CMSS1: variants seen among roughly 807,000 people sequenced by gnomAD.
CMSS1 encodes cms1 ribosomal small subunit homolog, also known as protein CMSS1.
Under a neutral mutation model 43.5 loss-of-function variants are expected in CMSS1, and 33 were observed. The observed-to-expected ratio is 0.76, with a 90% confidence interval of 0.57 to 1.01. CMSS1 has a LOEUF of 1.01. Among genes scored for constraint, CMSS1 ranks in the 50% least tolerant of loss-of-function variants. CMSS1 has a pLI of 0.00. For synonymous variants in CMSS1, 115 were observed against 117.2 expected (o/e 0.98, Z 0.12); for missense variants, 313 against 326.4 (o/e 0.96, Z 0.32).
intron 1 of CMSS1, among the ~76,000 whole-genome samples, chr3:99,983,980 GT>G (rs1228666671): frequency 4.0e-5 from 6 of 150,860 alleles, no homozygotes; most frequent in African/African-American, 1.5e-4. Flanking sequence ...ACAGATTTTT[GT>G]TGTTTTGTTT....
intron 1 of CMSS1, among the ~76,000 whole-genome samples, chr3:99,841,864 G>A (rs1943148020): frequency 6.6e-6 from 1 of 152,102 alleles, no homozygotes; most frequent in South Asian, 2.1e-4. Flanking sequence ...GGTGAAAGGG[G>A]AACACTTTTA....
chr3:100,014,895 CTT>C (rs1233573719), intron 1 of CMSS1, among the ~76,000 whole-genome samples: 95 of 25,014 alleles, frequency 3.8e-3, no homozygotes, highest in African/African-American at 0.016. Flanking sequence ...TTCTTTCTTT[CTT>C]TTTTTTTTTT....
At chr3:99,981,847 G>A (rs541013323) in intron 1 of CMSS1, among the ~76,000 whole-genome samples, 2 of 152,286 alleles carry the variant, frequency 1.3e-5, no homozygotes, top group South Asian at 4.1e-4. Flanking sequence ...ACATTGCAGA[G>A]TCAAGCCACG....
At position 100,178,323 on chromosome 3, in the gene CMSS1, G is replaced by A. The variant is rs749131724; in HGVS notation, c.775G>A (p.Glu259Lys). Residue 259 changes from glutamate to lysine, a missense_variant, in exon 10 of 10, where the codon GAA becomes AAA. Transcript: ENST00000421999. ...DIPEIRKEVF[E>K]LLEMGVLSLC... is the part of the protein sequence containing the mutation. ...CATTTAGATAAGAAAGGAGGTATTCGAACTTCTGGAAATGGGAGTGCTCAG... is the reference window on the plus strand; with the variant it reads ...CATTTAGATAAGAAAGGAGGTATTCAAACTTCTGGAAATGGGAGTGCTCAG... 1.7e-5 allele frequency: 28 copies of A among 1,611,872 alleles called. No homozygotes were observed. Among genetic ancestry groups the A allele is most frequent in the East Asian group, 4.5e-5 (2 of 44,848 alleles).
chr3:100,054,697 C>G (rs1426286334), intron 1 of CMSS1, among the ~76,000 whole-genome samples: 1 of 152,112 alleles, frequency 6.6e-6, no homozygotes, highest in Admixed American at 6.5e-5. Context: ...ACTGATTTCC[C>G]TTCCCTCTGG....
At chr3:99,894,646 A>C (rs1706191286) in intron 1 of CMSS1, among the ~76,000 whole-genome samples, 1 of 152,228 alleles carries the variant, frequency 6.6e-6, no homozygotes, top group Admixed American at 6.5e-5. Flanking sequence ...ATCTTGCAGA[A>C]AGACTGTTTC....
chr3:100,049,944 C>T (rs1298301762), intron 1 of CMSS1, among the ~76,000 whole-genome samples: 7 of 152,138 alleles, frequency 4.6e-5, no homozygotes, highest in Non-Finnish European at 1.0e-4. Context: ...TTCAACTGCA[C>T]AGAGGGTCAG....
At position 99,991,973 on chromosome 3, in the gene CMSS1, C is replaced by CATATATGTGTGTATATAT. The variant is rs1248111331; in HGVS notation, c.65-154999_65-154998insTATATGTGTGTATATATA. Reference sequence around the variant, plus strand: ...GTGTATATATGTGTGTATATATACACACATATATGTGTATATATACGTATA... The same window carrying CATATATGTGTGTATATAT: ...GTGTATATATGTGTGTATATATACACATATATGTGTGTATATATACATATATGTGTATATATACGTATA... On this transcript the variant is annotated intron_variant, in intron 1 of 9. Transcript: ENST00000421999. Among the ~76,000 whole-genome samples, 660 of 147,070 alleles carry CATATATGTGTGTATATAT rather than the reference C, an allele frequency of 4.5e-3. 7 individuals are homozygous for CATATATGTGTGTATATAT. Among genetic ancestry groups the CATATATGTGTGTATATAT allele is most frequent in the African/African-American group, 0.016 (643 of 39,778 alleles).
chr3:100,078,712 G>A (rs550651830), intron 1 of CMSS1, among the ~76,000 whole-genome samples: 13 of 152,138 alleles, frequency 8.5e-5, no homozygotes, highest in South Asian at 6.2e-4. Flanking sequence ...CCAACACGGC[G>A]AAACCCCATC....
chr3:99,974,694 C>T (rs1004965193), intron 1 of CMSS1, among the ~76,000 whole-genome samples: 2 of 151,882 alleles, frequency 1.3e-5, no homozygotes, highest in African/African-American at 4.8e-5. Flanking sequence ...GTAACAAGAG[C>T]GAAACTCCAT....
At chr3:99,928,980 G>A (rs776652248) in intron 1 of CMSS1, among the ~76,000 whole-genome samples, 2 of 152,340 alleles carry the variant, frequency 1.3e-5, no homozygotes, top group Non-Finnish European at 2.9e-5. Flanking sequence ...TACTAAAGAC[G>A]AGAATAGCAA....
intron 1 of CMSS1, among the ~76,000 whole-genome samples, chr3:99,819,216 TC>T (rs1942383397): frequency 6.6e-6 from 1 of 152,246 alleles, no homozygotes; most frequent in Non-Finnish European, 1.5e-5. Flanking sequence ...TGATTAAACT[TC>T]CTGACTCTTT....
chr3:99,844,435 TTAA>T (rs772487157), intron 1 of CMSS1, among the ~76,000 whole-genome samples: 3 of 152,170 alleles, frequency 2.0e-5, no homozygotes, highest in Non-Finnish European at 4.4e-5. Context: ...GAAAAAAATC[TTAA>T]TAACAGAAAC....
rs745360136 is a variant in CMSS1 at position 100,180,657 on chromosome 3, G to T, written c.*2269G>T. The T allele has an allele frequency of 3.9e-5, 6 of 152,296 alleles. No homozygotes were observed. Among genetic ancestry groups the T allele is most frequent in the Non-Finnish European group, 8.8e-5 (6 of 68,140 alleles). The allele number at this position is 152,296 out of a possible 1,614,324, so 9.4% of individuals were successfully genotyped here. On this transcript the variant is annotated 3_prime_UTR_variant, in exon 10 of 10. Transcript: ENST00000421999. ...TTGTCCATATCACTATCAGCATTTT[G>T]GTCAAAACTGTTCAACAAGTCTCTA...
chr3:100,089,679 A>G (rs2066070532), intron 1 of CMSS1, among the ~76,000 whole-genome samples: 1 of 152,244 alleles, frequency 6.6e-6, no homozygotes. Flanking sequence ...GTGAAAAGGT[A>G]GTATAATATA....
chr3:100,131,068 T>C (rs1279535915), intron 1 of CMSS1, among the ~76,000 whole-genome samples: 1 of 152,206 alleles, frequency 6.6e-6, no homozygotes, highest in Non-Finnish European at 1.5e-5. Flanking sequence ...TTTGTGAGAA[T>C]TCACTTGTGT....
chr3:100,140,632 G>A (rs142836356), intron 1 of CMSS1, among the ~76,000 whole-genome samples: 94 of 152,154 alleles, frequency 6.2e-4, no homozygotes, highest in African/African-American at 1.5e-3. Flanking sequence ...GATTATAGGC[G>A]TGAGCTACAA....
chr3:99,930,925 C>G, intron 1 of CMSS1: 4 of 1,613,554 alleles, frequency 2.5e-6, no homozygotes, highest in Non-Finnish European at 3.4e-6. Flanking sequence ...GCTGTCTATG[C>G]TTCATGTTTT....
chr3:100,021,915 T>TTGTGTGTGTGTG (rs61704772), intron 1 of CMSS1, among the ~76,000 whole-genome samples: 4 of 105,958 alleles, frequency 3.8e-5, no homozygotes, highest in Admixed American at 9.9e-5. Context: ...CTAGATCCCA[T>TTGTGTGTGTGTG]TGTGTGTGTG....
Sources: gnomAD v4.1 joint callset for allele counts (sites outside exome capture counted in the v4.1 genomes callset) on GRCh38, gnomAD v4.1.1 for gene constraint, MANE v1.5 for transcripts, NCBI Gene and HGNC (gene_info 2026-07-23, HGNC 2026-07-21) for gene names.